The following IFT172 variants were observed in gnomAD, a reference collection of about 807,000 sequenced individuals.
The protein encoded by IFT172 is intraflagellar transport protein 172 homolog.
In IFT172, 164 loss-of-function variants were observed where a neutral mutation model predicts 248.9. The observed-to-expected ratio is 0.66, with a 90% CI of 0.58 to 0.75. The LOEUF is 0.75. Ranked by LOEUF, IFT172 falls within the 30% of genes least tolerant of loss-of-function variation. The pLI is 0.00. For missense variants in IFT172, 1,950 were observed against 2,192.4 expected (o/e 0.89, Z 2.21); for synonymous variants, 729 against 791.6 (o/e 0.92, Z 1.33).
Position 27,454,268 on chromosome 2 carries a change from G to C in IFT172, c.3530+86C>G. ...AGGGGTGTAACACTGATTTGTTCTA[G>C]GTTTGAATGAAGGTCAAGATAATCA... On this transcript the variant is annotated intron_variant, in intron 32 of 47. Coordinates refer to ENST00000260570, the MANE Select transcript of IFT172 (RefSeq NM_015662.3). This position sits in a 1 kb window ranked among gnomAD's most constrained non-coding sequence, Gnocchi z 4.2. The C allele has an allele frequency of 6.2e-7, 1 of 1,605,568 alleles. No individual in the cohort carries two copies. Among genetic ancestry groups the C allele is most frequent in the South Asian group, 1.1e-5 (1 of 90,894 alleles).
intron 14 of IFT172, among the ~76,000 whole-genome samples, chr2:27,475,264 G>A (rs1329035900): frequency 2.0e-5 from 3 of 152,126 alleles, no homozygotes; most frequent in African/African-American, 7.2e-5. Flanking sequence ...CTTTTTTAGA[G>A]AACAATTTGG....
At chr2:27,458,043 G>A (rs1572751649) in intron 27 of IFT172, 67 bp from the exon 28 acceptor site, 1 of 1,612,824 alleles carries the variant, frequency 6.2e-7, no homozygotes, top group Non-Finnish European at 8.5e-7. Flanking sequence ...TCTGGGCAGA[G>A]GGTACACATC....
At chr2:27,472,559 C>A (rs1667651722) in intron 14 of IFT172, among the ~76,000 whole-genome samples, 197 bp from the exon 15 acceptor site, 1 of 152,164 alleles carries the variant, frequency 6.6e-6, no homozygotes, top group Non-Finnish European at 1.5e-5. Flanking sequence ...TATGGAGTTA[C>A]CTCAGAGCAG....
rs779218752 is a variant in IFT172, at chr2:27,445,694, A to C, written c.4914+51T>G. ...CAGCACAAAGATATTCTCCCTCCTC[A>C]AGGCACTCACACTGGTGAGGCCTTC... On this transcript the variant is annotated intron_variant, in intron 45 of 47. Transcript: ENST00000260570. This position sits in a 1 kb window ranked among gnomAD's most constrained non-coding sequence, Gnocchi z 4.4. 5 of 1,594,424 alleles carry C rather than the reference A, an allele frequency of 3.1e-6. No individual in the cohort carries two copies. In the Admixed American group the frequency reaches 8.4e-5, roughly 27 times the overall value.
At position 27,449,337 on chromosome 2, in the gene IFT172, T is replaced by C. The variant is rs751629074; in HGVS notation, c.4268A>G (p.Glu1423Gly). ...AATGCACTTGTCCCACTGGCCCTGCTCCACATACAGGTCCAAAGCAGCTAT... is the reference window on the plus strand; with the variant it reads ...AATGCACTTGTCCCACTGGCCCTGCCCCACATACAGGTCCAAAGCAGCTAT... ...DVIAALDLYV[E>G]QGQWDKCIET... Residue 1423 changes from glutamate (E) to glycine (G), a missense_variant, in exon 39 of 48, where the codon GAG becomes GGG. Around this residue, in one of 3 missense-constraint regions of IFT172, gnomAD observed 620 missense variants for 699.0 expected, o/e 0.89. Coordinates refer to ENST00000260570, the MANE Select transcript of IFT172 (RefSeq NM_015662.3). The C allele has an allele frequency of 1.2e-6, 2 of 1,613,976 alleles. No individual in the cohort carries two copies. Among genetic ancestry groups the C allele is most frequent in the African/African-American group, 2.7e-5 (2 of 74,890 alleles).
At position 27,454,458 on chromosome 2, in the gene IFT172, G is replaced by A; in HGVS notation, c.3466-40C>T. On this transcript the variant is annotated intron_variant, in intron 31 of 47. Transcript: ENST00000260570. The surrounding 1 kb of genome is among the most constrained non-coding windows in gnomAD (Gnocchi z 4.2). The stretch of plus-strand genomic sequence containing the variant: ...AGGCAGCCGTGCATGATGAGAAGGA[G>A]ACTGGCATCACAGGCAGGCATGAGA... 6.2e-7 allele frequency: 1 copy of A among 1,613,916 alleles called. No individual in the cohort carries two copies. The highest frequency in any genetic ancestry group is 8.5e-7 in the Non-Finnish European group (1 of 1,179,878).
chr2:27,447,795 C>T lies in IFT172; in HGVS notation c.4539+17G>A, dbSNP rs1457042496. 2 of 1,592,090 alleles carry T rather than the reference C, an allele frequency of 1.3e-6. No individual in the cohort carries two copies. The highest frequency in any genetic ancestry group is 2.7e-5 in the African/African-American group (2 of 74,502). On this transcript the variant is annotated intron_variant, in intron 41 of 47. Transcript: ENST00000260570. ...ATGAGGACAAGGACAGACGGAGCAG[C>T]CCTTTCGCTTCCTCACCAGGTTGAA...
In IFT172 at chr2:27,448,910, G is replaced by T. The variant is rs114235369; in HGVS notation, c.4428+5C>A. The T allele has an allele frequency of 2.2e-6, 3 of 1,376,872 alleles. No individual in the cohort carries two copies. Among genetic ancestry groups the T allele is most frequent in the Non-Finnish European group, 2.1e-6 (2 of 962,848 alleles). The allele number at this position is 1,376,872 out of a possible 1,614,324, so 85.3% of individuals were successfully genotyped here. ...AAACATTCAACCCAAGGAGAAGGCT[G>T]GTACCTGTGGGTTAGCAGGGGCTCC... On this transcript the variant is annotated splice_donor_5th_base_variant and intron_variant, in intron 40 of 47. Transcript: ENST00000260570.
At chr2:27,465,386 C>T (rs760565181) in intron 18 of IFT172, 25 bp downstream of exon 18, 1 of 1,590,796 alleles carries the variant, frequency 6.3e-7, no homozygotes, top group Non-Finnish European at 8.6e-7. Context: ...CTGCGTGGCA[C>T]CTCTGTTCTA....
At position 27,461,467 on chromosome 2, in the gene IFT172, C is replaced by T. The variant is rs201346238; in HGVS notation, c.2244G>A (p.Met748Ile). 9 of 1,614,066 alleles carry T rather than the reference C, an allele frequency of 5.6e-6. No individual in the cohort carries two copies. The Admixed American group carries it at 6.7e-5, about 12-fold the overall frequency. ...KLRRSYYQWL[M>I]DTQQEERAGE... ...CTGCTCGCTCCTCTTGCTGTGTGTCCATCAGCCACTGGTAGTAACTACGAC... is the reference window on the plus strand; with the variant it reads ...CTGCTCGCTCCTCTTGCTGTGTGTCTATCAGCCACTGGTAGTAACTACGAC... The change falls in exon 22 of 48, where the codon ATG becomes ATA. Residue 748 changes from methionine (M) to isoleucine (I), a missense_variant. Transcript: ENST00000260570.
At chr2:27,476,612 T>TATTA in intron 14 of IFT172, 29 bp downstream of exon 14, 1 of 1,315,136 alleles carries the variant, frequency 7.6e-7, no homozygotes, top group Non-Finnish European at 1.1e-6. Context: ...TCTATTTTGT[T>TATTA]ATTAAAATTA....
At chr2:27,448,828 G>A in intron 40 of IFT172, 87 bp downstream of exon 40, 1 of 774,366 alleles carries the variant, frequency 1.3e-6, no homozygotes, top group Non-Finnish European at 2.4e-6. Flanking sequence ...AGAATCCTCT[G>A]AGAAGATAGT....
intron 10 of IFT172, among the ~76,000 whole-genome samples, chr2:27,478,564 C>G (rs968201896): frequency 6.6e-5 from 10 of 152,126 alleles, no homozygotes; most frequent in African/African-American, 2.4e-4. Flanking sequence ...CTGTCTCGGC[C>G]TTCTGAGTAG....
intron 14 of IFT172, among the ~76,000 whole-genome samples, chr2:27,473,930 C>A (rs922499782): frequency 2.0e-5 from 3 of 151,984 alleles, no homozygotes; most frequent in African/African-American, 7.3e-5. Context: ...GCCTCAGCCT[C>A]CCGAGTAGCT....
chr2:27,489,121 C>T (rs1269256910), intron 1 of IFT172, among the ~76,000 whole-genome samples: 1 of 152,164 alleles, frequency 6.6e-6, no homozygotes, highest in Non-Finnish European at 1.5e-5. Flanking sequence ...AGTGGTGGAG[C>T]TAGGACTTAA....
At chr2:27,446,118 A>G in intron 43 of IFT172, 130 bp from the exon 44 acceptor site, 1 of 1,386,982 alleles carries the variant, frequency 7.2e-7, no homozygotes, top group Non-Finnish European at 1.0e-6. Context: ...CAGGGAGAAA[A>G]ATCCAGGAAG....
intron 13 of IFT172, 82 bp downstream of exon 13, chr2:27,477,135 G>T: frequency 7.9e-7 from 1 of 1,264,258 alleles, no homozygotes; most frequent in Non-Finnish European, 1.1e-6. Context: ...GAAGCTTTTG[G>T]ATTAACTGGA....
At position 27,481,261 on chromosome 2, in the gene IFT172, C is replaced by T. The variant is rs775935517; in HGVS notation, c.571-1G>A. On this transcript the variant is annotated splice_acceptor_variant, in intron 7 of 47. Coordinates refer to ENST00000260570, the MANE Select transcript of IFT172 (RefSeq NM_015662.3). LOFTEE classifies it high-confidence loss of function. ...GACACGGGTGGTTAACCAACTTCCC[C>T]TAAGACAGAAGTAGAGGGTTTCAAT... is the stretch of plus-strand genomic sequence containing the variant. 7 of 1,609,914 alleles carry T rather than the reference C, an allele frequency of 4.3e-6. No individual in the cohort carries two copies. The East Asian group carries it at 1.6e-4, about 36-fold the overall frequency.
intron 36 of IFT172, 38 bp from the exon 37 acceptor site, chr2:27,449,838 G>T (rs750163717): frequency 6.6e-7 from 1 of 1,519,038 alleles, no homozygotes; most frequent in Non-Finnish European, 9.1e-7. Context: ...CTTTCTCCTC[G>T]CTCCCAGTCT....
Sources: allele counts gnomAD v4.1 joint callset (sites outside exome capture counted in the v4.1 genomes callset), GRCh38; gene constraint gnomAD v4.1.1; regional missense constraint gnomAD v4.1.1; non-coding constraint Gnocchi (gnomAD v3.1); transcripts MANE v1.5; gene names NCBI Gene and HGNC (gene_info 2026-07-23, HGNC 2026-07-21).